NRXN3: variants seen among roughly 807,000 people sequenced by gnomAD.
NRXN3 encodes neurexin III.
Under a neutral mutation model 137.6 loss-of-function variants are expected in NRXN3, and 32 were observed. The observed-to-expected ratio is 0.23, with a 90% CI of 0.18 to 0.31. The LOEUF (loss-of-function observed/expected upper bound fraction) is 0.31, where lower values mean the gene tolerates loss of function less well. Ranked by LOEUF, NRXN3 falls within the 10% of genes least tolerant of loss-of-function variation. The pLI is 1.00. For synonymous variants in NRXN3, 798 were observed against 784.5 expected (o/e 1.02, Z -0.29); for missense variants, 1,574 against 2,062.5 (o/e 0.76, Z 4.59).
In NRXN3 at chr14:79,787,680, A is replaced by G. The variant is rs193002027; in HGVS notation, c.4015-17432A>G. On this transcript the variant is annotated intron_variant, in intron 19 of 20. Transcript: ENST00000335750. ...TCTCTGTGCCTGGCTTATTTCACTT[A>G]GCATAATGTCCTTTAGCTCCATCCA... Among the ~76,000 whole-genome samples the G allele has an allele frequency of 7.2e-5, 11 of 152,336 alleles. No homozygotes were observed. In the East Asian group the frequency reaches 2.1e-3, roughly 29 times the overall value.
At chr14:79,151,861 T>A (rs890707491) in intron 15 of NRXN3, among the ~76,000 whole-genome samples, 13 of 152,064 alleles carry the variant, frequency 8.5e-5, no homozygotes, top group Admixed American at 8.5e-4. Flanking sequence ...AATTTGCAAT[T>A]TTTAAGTCAA....
At chr14:79,200,868 G>C (rs879474776) in intron 15 of NRXN3, among the ~76,000 whole-genome samples, 1 of 49,526 alleles carries the variant, frequency 2.0e-5, no homozygotes, top group African/African-American at 7.2e-5. Flanking sequence ...GCTTTCCTCT[G>C]TTTATCCTCA....
chr14:78,788,448 C>G (rs531333912), intron 8 of NRXN3, among the ~76,000 whole-genome samples: 6 of 152,244 alleles, frequency 3.9e-5, no homozygotes, highest in African/African-American at 1.4e-4. Flanking sequence ...CTGACAGCTC[C>G]CTTGTCTTCT....
intron 4 of NRXN3, among the ~76,000 whole-genome samples, chr14:78,593,136 A>G (rs555036919): frequency 2.6e-5 from 4 of 152,184 alleles, no homozygotes; most frequent in Non-Finnish European, 5.9e-5. Context: ...CACGCGGCAC[A>G]TCTGTGGAGC....
At chr14:79,108,144 T>C (rs2052798306) in intron 15 of NRXN3, among the ~76,000 whole-genome samples, 1 of 152,196 alleles carries the variant, frequency 6.6e-6, no homozygotes, top group Admixed American at 6.6e-5. Flanking sequence ...GGGGACAGAA[T>C]GTCCCTATGA....
chr14:78,200,058 A>G (rs2153391712), intron 1 of NRXN3, among the ~76,000 whole-genome samples: 1 of 152,318 alleles, frequency 6.6e-6, no homozygotes, highest in Admixed American at 6.5e-5. Flanking sequence ...CTGGCATTCA[A>G]CAATCTCTGG....
intron 16 of NRXN3, among the ~76,000 whole-genome samples, chr14:79,628,710 A>C (rs2098310354): frequency 6.6e-6 from 1 of 152,246 alleles, no homozygotes; most frequent in Non-Finnish European, 1.5e-5. Context: ...GTTAGGTTGA[A>C]AGTCGAATAT....
intron 15 of NRXN3, among the ~76,000 whole-genome samples, chr14:79,138,131 T>G (rs1283229820): frequency 2.0e-5 from 3 of 152,242 alleles, no homozygotes; most frequent in African/African-American, 4.8e-5. Flanking sequence ...GAATCAAACT[T>G]GGATATATTG....
chr14:78,844,786 C>T (rs921465275), intron 10 of NRXN3, among the ~76,000 whole-genome samples: 2 of 151,942 alleles, frequency 1.3e-5, no homozygotes, highest in Non-Finnish European at 2.9e-5. Flanking sequence ...TGGTTAATCC[C>T]TCTGGAGAAC....
At chr14:78,740,131 T>C (rs2098558022) in intron 8 of NRXN3, among the ~76,000 whole-genome samples, 1 of 152,214 alleles carries the variant, frequency 6.6e-6, no homozygotes, top group Non-Finnish European at 1.5e-5. Flanking sequence ...TCTGACATTA[T>C]GTTCCACTTT....
chr14:78,564,927 ACCT>A (rs1426646492), intron 4 of NRXN3, among the ~76,000 whole-genome samples: 2 of 151,878 alleles, frequency 1.3e-5, no homozygotes, highest in Non-Finnish European at 2.9e-5. Flanking sequence ...GCCTTTTCTG[ACCT>A]CCTCAGCGCA....
At chr14:79,795,632 T>C (rs1249975973) in intron 19 of NRXN3, among the ~76,000 whole-genome samples, 1 of 152,222 alleles carries the variant, frequency 6.6e-6, no homozygotes, top group African/African-American at 2.4e-5. Flanking sequence ...CAGTTTCAAA[T>C]ACCAAAACTT....
chr14:79,502,428 T>G (rs991417783), intron 16 of NRXN3, among the ~76,000 whole-genome samples: 2 of 151,988 alleles, frequency 1.3e-5, no homozygotes, highest in Non-Finnish European at 2.9e-5. Context: ...TGAGAATAGT[T>G]AACAGCTCTA....
At chr14:79,854,241 G>T in intron 20 of NRXN3, 1 of 627,466 alleles carries the variant, frequency 1.6e-6, no homozygotes, top group Non-Finnish European at 2.0e-6. Flanking sequence ...AAATTAATAT[G>T]GTATGCTTTT....
chr14:78,541,300 G>A (rs902831807), intron 4 of NRXN3, among the ~76,000 whole-genome samples: 6 of 152,112 alleles, frequency 3.9e-5, no homozygotes, highest in African/African-American at 1.2e-4. Context: ...TTTCTTTGAG[G>A]CTTTGTTCAT....
intron 16 of NRXN3, among the ~76,000 whole-genome samples, chr14:79,638,336 G>T (rs2098416254): frequency 6.7e-6 from 1 of 149,412 alleles, no homozygotes; most frequent in Non-Finnish European, 1.5e-5. Flanking sequence ...TTAAGTTTGA[G>T]TTCTTTTTCT....
Position 79,130,998 on chromosome 14 carries a change from C to G in NRXN3, c.3262+142857C>G, listed in dbSNP as rs184208382. 3.3e-3 allele frequency among the ~76,000 whole-genome samples: 510 copies of G among 152,320 alleles called. 2 individuals are homozygous for G. Among genetic ancestry groups the G allele is most frequent in the African/African-American group, 8.6e-3 (359 of 41,576 alleles). ...GCTCCTGAGGCTTCTGCATTCTTCA[C>G]GTAGTTCTCGAGCCTTGGCTTTCAG... On this transcript the variant is annotated intron_variant, in intron 15 of 20. Transcript: ENST00000335750.
Position 78,402,259 on chromosome 14 carries a change from A to G in NRXN3, c.757+104399A>G, listed in dbSNP as rs186340296. Reference sequence around the variant, plus strand: ...GCAACGACCTTTTCACTTGATAGCAAGAAGTCTGAATTAGTGAAAAGTCAG... The same window carrying G: ...GCAACGACCTTTTCACTTGATAGCAGGAAGTCTGAATTAGTGAAAAGTCAG... On this transcript the variant is annotated intron_variant, in intron 4 of 20. Coordinates refer to ENST00000335750, the MANE Select transcript of NRXN3 (RefSeq NM_001330195.2). 1.5e-4 allele frequency among the ~76,000 whole-genome samples: 23 copies of G among 152,368 alleles called. No homozygotes were observed. In the East Asian group the frequency reaches 3.9e-3, roughly 26 times the overall value.
At chr14:79,329,889 G>A (rs2091433361) in intron 15 of NRXN3, among the ~76,000 whole-genome samples, 1 of 150,350 alleles carries the variant, frequency 6.7e-6, no homozygotes, top group Admixed American at 6.6e-5. Flanking sequence ...TCACCAAGCT[G>A]GAGTGCAGTG....
Sources: gnomAD v4.1 joint callset for allele counts (sites outside exome capture counted in the v4.1 genomes callset) on GRCh38, gnomAD v4.1.1 for gene constraint, MANE v1.5 for transcripts, NCBI Gene and HGNC (gene_info 2026-07-23, HGNC 2026-07-21) for gene names.